The following MLLT6 variants were observed in gnomAD, a reference collection of about 807,000 sequenced individuals.
MLLT6 encodes the protein protein AF-17.
MLLT6 carries 22 observed loss-of-function variants against 103.0 expected under a neutral mutation model. The observed-to-expected ratio is 0.21, with a 90% confidence interval of 0.15 to 0.31. The LOEUF (loss-of-function observed/expected upper bound fraction) is 0.31. MLLT6 is among the 10% of genes least tolerant of loss of function. MLLT6 has a pLI of 1.00. For missense variants in MLLT6, 1,199 were observed against 1,441.7 expected (o/e 0.83, Z 2.73); for synonymous variants, 606 against 623.5 (o/e 0.97, Z 0.42).
At chr17:38,720,798 C>A in intron 16 of MLLT6, 51 bp downstream of exon 16, 1 of 1,518,688 alleles carries the variant, frequency 6.6e-7, no homozygotes. Flanking sequence ...TCAAGGCTCT[C>A]CTGGTCCCAT....
chr17:38,711,924 T>C lies in MLLT6; in HGVS notation c.630T>C (p.Ser210=), dbSNP rs1044877238. The C allele has an allele frequency of 1.1e-5, 17 of 1,608,650 alleles. No homozygotes were observed. Among genetic ancestry groups the C allele is most frequent in the Admixed American group, 1.7e-5 (1 of 59,402 alleles). The change falls in exon 7 of 20, where the codon AGT becomes AGC. Residue 210 remains serine, a synonymous_variant. Transcript: ENST00000621332. The part of the protein sequence containing the change: ...GGGGSMGGGG[S]GFISGRRSRS... Reference sequence around the variant, plus strand: ...GTGGCAGCATGGGGGGAGGTGGCAGTGGTTTCATCTCTGGGAGGAGAAGCC... The same window carrying C: ...GTGGCAGCATGGGGGGAGGTGGCAGCGGTTTCATCTCTGGGAGGAGAAGCC...
rs766079681 is a variant in MLLT6 at position 38,724,842 on chromosome 17, A to C, written c.3106A>C (p.Thr1036Pro). Residue 1036 changes from threonine (T) to proline (P), a missense_variant, in exon 19 of 20, where the codon ACA (threonine) becomes CCA (proline). Around this residue, in one of 7 missense-constraint regions of MLLT6, gnomAD observed 55 missense variants for 93.3 expected, o/e 0.59. Coordinates refer to ENST00000621332, the MANE Select transcript of MLLT6 (RefSeq NM_005937.4). The surrounding 1 kb of genome is among the most constrained non-coding windows in gnomAD (Gnocchi z 5.4). Reference protein sequence around the residue: ...ALVAPSLGNNTSLMAAAAAAA... With the variant: ...ALVAPSLGNNPSLMAAAAAAA... ...AGTGGCTCCCTCGCTTGGCAACAAC[A>C]CAAGTCTCATGGCCGCAGCAGCTGC... The C allele has an allele frequency of 1.9e-6, 3 of 1,588,266 alleles. No homozygotes were observed. Among genetic ancestry groups the C allele is most frequent in the Middle Eastern group, 1.8e-4 (1 of 5,690 alleles).
In MLLT6 at chr17:38,720,447, C is replaced by A; in HGVS notation, c.2231C>A (p.Thr744Lys). 1.2e-6 allele frequency: 2 copies of A among 1,612,918 alleles called. No homozygotes were observed. The highest frequency in any genetic ancestry group is 1.7e-6 in the Non-Finnish European group (2 of 1,179,990). Residue 744 changes from threonine to lysine, a missense_variant, in exon 15 of 20, where the codon ACG becomes AAG. By Grantham distance (78) the Thr-to-Lys change is moderately conservative (BLOSUM62 -1). Around this residue, in one of 7 missense-constraint regions of MLLT6, gnomAD observed 1,034 missense variants for 1,091.5 expected, o/e 0.95. Transcript: ENST00000621332. ...QRLQEQILSL[T>K]AKKERLQILN... ...CTGCAAGAGCAGATCCTGAGCCTGACGGCCAAAAAGGAGCGGCTGCAGATT... is the reference window on the plus strand; with the variant it reads ...CTGCAAGAGCAGATCCTGAGCCTGAAGGCCAAAAAGGAGCGGCTGCAGATT...
At position 38,705,565 on chromosome 17, in the gene MLLT6, C is replaced by A; in HGVS notation, c.-68C>A. 1 of 533,594 alleles carries A rather than the reference C, an allele frequency of 1.9e-6. No homozygotes were observed. Among genetic ancestry groups the A allele is most frequent in the African/African-American group, 2.0e-5 (1 of 49,452 alleles). 33.1% of individuals were successfully genotyped at this position (533,594 alleles called of 1,614,324 possible). Reference sequence around the variant, plus strand: ...AGGCGCGCGGCCCCCCGCTCCCTCCCTCCCCCCTGACCCCCGACCCCCGCC... The same window carrying A: ...AGGCGCGCGGCCCCCCGCTCCCTCCATCCCCCCTGACCCCCGACCCCCGCC... On this transcript the variant is annotated 5_prime_UTR_variant, in exon 1 of 20. Transcript: ENST00000621332.
intron 1 of MLLT6, chr17:38,705,978 G>A (rs139610538): frequency 2.6e-4 from 56 of 217,742 alleles, no homozygotes; most frequent in African/African-American, 1.1e-3. Context: ...GGGAGTTTGG[G>A]GAGAGTCTAG....
At position 38,726,730 on chromosome 17, in the gene MLLT6, A is replaced by G; in HGVS notation, c.*1132A>G. ...CCTTCTCTGGCACAAGGGGAGCCCC[A>G]GGGCTTGGGGGAGGGCGTAAGGTGG... On this transcript the variant is annotated 3_prime_UTR_variant, in exon 20 of 20. Coordinates refer to ENST00000621332, the MANE Select transcript of MLLT6 (RefSeq NM_005937.4). The G allele has an allele frequency of 4.3e-6, 1 of 233,512 alleles. No individual in the cohort carries two copies. Among genetic ancestry groups the G allele is most frequent in the Non-Finnish European group, 8.5e-6 (1 of 118,034 alleles). 14.5% of individuals were successfully genotyped at this position (233,512 alleles called of 1,614,324 possible).
Position 38,709,304 on chromosome 17 carries a change from C to A in MLLT6, c.458+28C>A. On this transcript the variant is annotated intron_variant, in intron 5 of 19. Transcript: ENST00000621332. The surrounding 1 kb of genome is among the most constrained non-coding windows in gnomAD (Gnocchi z 4.3). ...GAGACCCCTGTCCCACCCCCCTGCC[C>A]CCCGGGTTTGTCCTGGATGGCCACT... 1 of 1,589,628 alleles carries A rather than the reference C, an allele frequency of 6.3e-7. No homozygotes were observed. Among genetic ancestry groups the A allele is most frequent in the Middle Eastern group, 1.7e-4 (1 of 6,004 alleles).
intron 6 of MLLT6, among the ~76,000 whole-genome samples, chr17:38,711,501 C>T (rs1023717015): frequency 1.7e-4 from 26 of 152,062 alleles, no homozygotes; most frequent in Non-Finnish European, 1.5e-4. Context: ...GAGGTAGAAA[C>T]GGGCCGTGGC....
At chr17:38,722,286 G>A (rs1255278578) in intron 17 of MLLT6, 59 bp downstream of exon 17, 2 of 1,278,050 alleles carry the variant, frequency 1.6e-6, no homozygotes, top group Non-Finnish European at 2.0e-6. Context: ...TCTGGGAAGG[G>A]AGGGATTTTC....
At chr17:38,714,598 G>T (rs1905251007) in intron 8 of MLLT6, 1 of 152,262 alleles carries the variant, frequency 6.6e-6, no homozygotes, top group Admixed American at 6.5e-5. Context: ...AATTAGCCGG[G>T]TGTGGTGGCT....
At chr17:38,721,578 G>A (rs932912652) in intron 16 of MLLT6, among the ~76,000 whole-genome samples, 6 of 152,194 alleles carry the variant, frequency 3.9e-5, no homozygotes, top group Non-Finnish European at 7.3e-5. Context: ...AGAATAGCAA[G>A]ATAGCACAGG....
intron 1 of MLLT6, 28 bp downstream of exon 1, chr17:38,705,769 GGGACCCC>G: frequency 8.4e-7 from 1 of 1,188,180 alleles, no homozygotes; most frequent in Non-Finnish European, 1.1e-6. Context: ...GGGGGGCGGC[GGGACCCC>G]GGGGGCGGCG....
At position 38,727,920 on chromosome 17, in the gene MLLT6, A is replaced by AAG. The variant is rs1346807730; in HGVS notation, c.*2323_*2324dup. On this transcript the variant is annotated 3_prime_UTR_variant, in exon 20 of 20. Coordinates refer to ENST00000621332, the MANE Select transcript of MLLT6 (RefSeq NM_005937.4). ...TTAACTTTTGTCTGGATGGGAAGAG[A>AAG]AGTAAGTCTACCCCGAGGTTGCCAT... 3 of 233,150 alleles carry AAG rather than the reference A, an allele frequency of 1.3e-5. No individual in the cohort carries two copies. Among genetic ancestry groups the AAG allele is most frequent in the Non-Finnish European group, 2.5e-5 (3 of 118,048 alleles). 14.4% of individuals were successfully genotyped at this position (233,150 alleles called of 1,614,324 possible).
In MLLT6 at chr17:38,716,700, A is replaced by T; in HGVS notation, c.1370A>T (p.Glu457Val). The change falls in exon 10 of 20, where the codon GAG becomes GTG. Residue 457 changes from glutamate (E) to valine (V), a missense_variant. Glu to Val is a moderately radical substitution (Grantham distance 121). Coordinates refer to ENST00000621332, the MANE Select transcript of MLLT6 (RefSeq NM_005937.4). The surrounding 1 kb of genome is among the most constrained non-coding windows in gnomAD (Gnocchi z 5.6). ...ALSATPVPAD[E>V]TPETGLKEKK... is the part of the protein sequence containing the mutation. ...AGTGCCACCCCTGTGCCTGCTGATG[A>T]GACCCCTGAGACAGGCCTGAAGGAG... 2 of 1,612,086 alleles carry T rather than the reference A, an allele frequency of 1.2e-6. No homozygotes were observed. Among genetic ancestry groups the T allele is most frequent in the Non-Finnish European group, 1.7e-6 (2 of 1,179,306 alleles).
intron 1 of MLLT6, 75 bp from the exon 2 acceptor site, chr17:38,706,875 C>T (rs1904949930): frequency 1.2e-5 from 16 of 1,306,950 alleles, no homozygotes; most frequent in Admixed American, 1.9e-5. Flanking sequence ...TTGGAGTCAC[C>T]GCCTTCCCCC....
chr17:38,722,673 C>T lies in MLLT6; in HGVS notation c.2793-5C>T. On this transcript the variant is annotated splice_polypyrimidine_tract_variant and splice_region_variant and intron_variant, in intron 17 of 19. Coordinates refer to ENST00000621332, the MANE Select transcript of MLLT6 (RefSeq NM_005937.4). ...TCCCCCCCCCACCCCCCACCCCCAC[C>T]TCAGCCTTACAGAGCAGCAGAGACA... 3 of 920,182 alleles carry T rather than the reference C, an allele frequency of 3.3e-6. No homozygotes were observed. Among genetic ancestry groups the T allele is most frequent in the South Asian group, 2.6e-5 (2 of 76,702 alleles). 57.0% of individuals were successfully genotyped at this position (920,182 alleles called of 1,614,324 possible). A position where few individuals can be genotyped will look rare whatever the true frequency, so the allele number is the denominator to read the frequency against.
Position 38,729,529 on chromosome 17 carries a change from C to T in MLLT6, c.*3931C>T, listed in dbSNP as rs577479405. On this transcript the variant is annotated 3_prime_UTR_variant, in exon 20 of 20. Transcript: ENST00000621332. Reference sequence around the variant, plus strand: ...GCTCCCGTCCCGCCCCCTTTCTATCCCAACCTGTTTCCATGTAGCAGACCC... The same window carrying T: ...GCTCCCGTCCCGCCCCCTTTCTATCTCAACCTGTTTCCATGTAGCAGACCC... 8.6e-6 allele frequency: 2 copies of T among 233,334 alleles called. No homozygotes were observed. Among genetic ancestry groups the T allele is most frequent in the African/African-American group, 2.2e-5 (1 of 45,388 alleles). The allele number at this position is 233,334 out of a possible 1,614,324, so 14.5% of individuals were successfully genotyped here.
At chr17:38,725,506 G>C (rs766272771) in intron 19 of MLLT6, 51 bp from the exon 20 acceptor site, 8 of 1,557,636 alleles carry the variant, frequency 5.1e-6, no homozygotes, top group Non-Finnish European at 7.1e-6. Flanking sequence ...TTATCTGGGG[G>C]TTAGGACCTG....
At chr17:38,720,269 T>C in intron 14 of MLLT6, 103 bp from the exon 15 acceptor site, 2 of 1,191,222 alleles carry the variant, frequency 1.7e-6, no homozygotes, top group Non-Finnish European at 2.3e-6. Flanking sequence ...GGCGCCGCCT[T>C]TTCAAGGGCT....
Sources: gnomAD v4.1 joint callset for allele counts (sites outside exome capture counted in the v4.1 genomes callset) on GRCh38, gnomAD v4.1.1 for gene constraint, gnomAD v4.1.1 regional missense constraint, Gnocchi (gnomAD v3.1) non-coding constraint, MANE v1.5 for transcripts, NCBI Gene and HGNC (gene_info 2026-07-23, HGNC 2026-07-21) for gene names.